LRRIQ3: variants seen among roughly 807,000 people sequenced by gnomAD.
LRRIQ3 encodes the protein leucine rich repeats and IQ motif containing 3, also known as leucine-rich repeat and IQ domain-containing protein 3.
In LRRIQ3, 75 loss-of-function variants were observed where a neutral mutation model predicts 59.3. The observed-to-expected ratio is 1.26, with a 90% CI of 1.05 to 1.53. LRRIQ3 has a LOEUF of 1.53. Among genes scored for constraint, LRRIQ3 ranks in the 40% most tolerant of loss-of-function variants. LRRIQ3 has a pLI of 0.00. For synonymous variants in LRRIQ3, 250 were observed against 231.3 expected (o/e 1.08, Z -0.73); for missense variants, 831 against 710.0 (o/e 1.17, Z -1.94).
chr1:74,111,308 T>A (rs974394193), intron 4 of LRRIQ3, among the ~76,000 whole-genome samples: 2 of 152,020 alleles, frequency 1.3e-5, no homozygotes, highest in African/African-American at 4.8e-5. Flanking sequence ...AATTGCTTTT[T>A]ACATAGTCTG....
At chr1:74,147,187 C>T (rs1647630479) in intron 4 of LRRIQ3, among the ~76,000 whole-genome samples, 1 of 152,136 alleles carries the variant, frequency 6.6e-6, no homozygotes, top group Admixed American at 6.5e-5. Flanking sequence ...TTAGATAACA[C>T]CACTGCAGTC....
intron 4 of LRRIQ3, chr1:74,144,620 G>C: frequency 4.5e-6 from 1 of 222,002 alleles, no homozygotes; most frequent in Admixed American, 6.1e-5. Flanking sequence ...TTCTGTAGCA[G>C]TCAGGGTTAA....
intron 7 of LRRIQ3, 150 bp downstream of exon 7, chr1:74,041,063 T>C: frequency 3.1e-6 from 2 of 649,856 alleles, no homozygotes; most frequent in Non-Finnish European, 5.0e-6. Context: ...TGGTAATATA[T>C]TAGTATATTA....
Position 74,041,675 on chromosome 1 carries a change from G to A in LRRIQ3, c.1256C>T (p.Thr419Ile), listed in dbSNP as rs1654050099. Residue 419 changes from threonine (T) to isoleucine (I), a missense_variant, in exon 7 of 8, where the codon ACA becomes ATA. Thr to Ile is a moderately conservative substitution (Grantham distance 89). Coordinates refer to ENST00000354431, the MANE Select transcript of LRRIQ3 (RefSeq NM_001105659.2). ...APQRAGMKLR[T>I]FSDIDKYYTE... The stretch of plus-strand genomic sequence containing the variant: ...GTAATATTTGTCAATATCACTAAAT[G>A]TTCGGAGTTTCATACCAGCTCTTTG... The A allele has an allele frequency of 1.2e-6, 2 of 1,613,514 alleles. No homozygotes were observed. Among genetic ancestry groups the A allele is most frequent in the Non-Finnish European group, 1.7e-6 (2 of 1,179,806 alleles).
Position 74,183,461 on chromosome 1 carries a change from A to C in LRRIQ3, c.224T>G (p.Ile75Ser). Residue 75 changes from isoleucine to serine, a missense_variant, in exon 2 of 8, where the codon ATC becomes AGC. Transcript: ENST00000354431. The part of the protein sequence containing the change: ...IHPLQSCIKL[I>S]KLDLHGNQIK... ...CTGATTTCCATGGAGATCAAGTTTGATTAATTTTATACAACTTTGAAGTGG... is the reference window on the plus strand; with the variant it reads ...CTGATTTCCATGGAGATCAAGTTTGCTTAATTTTATACAACTTTGAAGTGG... 6.3e-7 allele frequency: 1 copy of C among 1,592,380 alleles called. No individual in the cohort carries two copies. Among genetic ancestry groups the C allele is most frequent in the Middle Eastern group, 1.8e-4 (1 of 5,522 alleles).
chr1:74,185,771 G>A (rs1337126370), intron 1 of LRRIQ3, among the ~76,000 whole-genome samples: 11 of 151,720 alleles, frequency 7.3e-5, no homozygotes, highest in East Asian at 3.9e-4. Context: ...GTGAAACCCC[G>A]TCTCTACTAA....
intron 3 of LRRIQ3, among the ~76,000 whole-genome samples, chr1:74,168,332 C>G (rs1385987477): frequency 6.6e-6 from 1 of 151,990 alleles, no homozygotes; most frequent in Non-Finnish European, 1.5e-5. Flanking sequence ...CATGATATAA[C>G]ATCTCTCTCC....
chr1:74,096,333 T>C (rs1246433436), intron 5 of LRRIQ3, among the ~76,000 whole-genome samples: 1 of 152,150 alleles, frequency 6.6e-6, no homozygotes, highest in African/African-American at 2.4e-5. Context: ...TTTAAAAAGA[T>C]TTCAGGAACC....
Position 74,195,359 on chromosome 1 carries a change from A to T in LRRIQ3, c.-1+2637T>A, listed in dbSNP as rs372890504. On this transcript the variant is annotated intron_variant, in intron 1 of 7. Transcript: ENST00000354431. ...CAGTATATAATCCAGGACCCTATTC[A>T]TTTGGCTTCAACTTCCTCATATAAA... 3.3e-5 allele frequency among the ~76,000 whole-genome samples: 5 copies of T among 152,264 alleles called. No individual in the cohort carries two copies. In the East Asian group the frequency reaches 9.7e-4, roughly 29 times the overall value.
chr1:74,167,146 A>G (rs1211552822), intron 3 of LRRIQ3, among the ~76,000 whole-genome samples: 1 of 152,050 alleles, frequency 6.6e-6, no homozygotes, highest in Admixed American at 6.6e-5. Context: ...AGATACTTGC[A>G]CTTGCACACA....
At chr1:74,117,578 C>T (rs941003135) in intron 4 of LRRIQ3, among the ~76,000 whole-genome samples, 9 of 152,096 alleles carry the variant, frequency 5.9e-5, no homozygotes, top group Admixed American at 6.6e-5. Flanking sequence ...CCAGCCTGGC[C>T]AAGGTGGTGA....
chr1:74,067,966 C>T (rs936122065), intron 6 of LRRIQ3, among the ~76,000 whole-genome samples: 7 of 151,918 alleles, frequency 4.6e-5, no homozygotes, highest in African/African-American at 1.7e-4. Flanking sequence ...GGTAACTTGC[C>T]AAACATAGTC....
chr1:74,056,172 A>C (rs1654529579), intron 6 of LRRIQ3, among the ~76,000 whole-genome samples: 1 of 151,424 alleles, frequency 6.6e-6, no homozygotes, highest in Non-Finnish European at 1.5e-5. Context: ...TAAATAAATA[A>C]ATAAATAAAT....
intron 6 of LRRIQ3, among the ~76,000 whole-genome samples, chr1:74,056,315 A>G (rs773030866): frequency 1.3e-5 from 2 of 152,252 alleles, no homozygotes; most frequent in East Asian, 1.9e-4. Flanking sequence ...CTGGAAAAAG[A>G]TAAGGATGCC....
chr1:74,080,517 G>A (rs1023564952), intron 5 of LRRIQ3, among the ~76,000 whole-genome samples: 6 of 151,628 alleles, frequency 4.0e-5, no homozygotes, highest in Admixed American at 3.3e-4. Context: ...TCTAGATCAA[G>A]AATAAACACT....
chr1:74,028,538 C>T (rs1176798841), intron 7 of LRRIQ3, among the ~76,000 whole-genome samples: 4 of 151,942 alleles, frequency 2.6e-5, no homozygotes, highest in Non-Finnish European at 5.9e-5. Flanking sequence ...AGAGTTCTGA[C>T]TGGAAATGGT....
intron 3 of LRRIQ3, among the ~76,000 whole-genome samples, chr1:74,176,834 T>C (rs920498388): frequency 6.6e-6 from 1 of 152,126 alleles, no homozygotes; most frequent in Non-Finnish European, 1.5e-5. Flanking sequence ...TAAGGGCTTA[T>C]AACTGGCCAA....
chr1:74,083,101 TACAC>T (rs555023521), intron 5 of LRRIQ3: 1 of 151,512 alleles, frequency 6.6e-6, no homozygotes, highest in African/African-American at 2.4e-5. Flanking sequence ...AGGCAGAAAA[TACAC>T]ACACACAAAC....
intron 6 of LRRIQ3, among the ~76,000 whole-genome samples, chr1:74,063,368 A>G (rs895014070): frequency 1.3e-5 from 2 of 152,076 alleles, no homozygotes; most frequent in Non-Finnish European, 2.9e-5. Flanking sequence ...AAGAATGTGT[A>G]TTCTGCTATT....
Sources: gnomAD v4.1 joint callset for allele counts (sites outside exome capture counted in the v4.1 genomes callset) on GRCh38, gnomAD v4.1.1 for gene constraint, MANE v1.5 for transcripts, NCBI Gene and HGNC (gene_info 2026-07-23, HGNC 2026-07-21) for gene names.